The following DPP6 variants were observed in gnomAD, a reference collection of about 807,000 sequenced individuals.
DPP6 encodes A-type potassium channel modulatory protein DPP6.
In DPP6, 69 loss-of-function variants were observed where a neutral mutation model predicts 122.6. The ratio of observed to expected loss-of-function variants is 0.56; its 90% CI spans 0.46 to 0.69. DPP6 has a LOEUF of 0.69. DPP6 is among the 30% of genes least tolerant of loss of function. The pLI is 0.00. For missense variants in DPP6, 928 were observed against 1,116.9 expected, an observed-to-expected ratio of 0.83 and a Z score of 2.41; for synonymous variants, 418 against 433.1, an observed-to-expected ratio of 0.97 and a Z score of 0.43.
intron 1 of DPP6, among the ~76,000 whole-genome samples, chr7:153,958,023 G>A (rs1279037295): frequency 4.6e-5 from 7 of 152,080 alleles, no homozygotes; most frequent in Admixed American, 6.5e-5. Context: ...ACTTAGCTGG[G>A]TGTGGTGGTG....
chr7:153,857,722 C>A, the DPP6 span, among the ~76,000 whole-genome samples: 3 of 152,118 alleles, frequency 2.0e-5, no homozygotes, highest in African/African-American at 7.2e-5. Context: ...AAACACATAT[C>A]TACAGTGCTT....
chr7:154,862,083 T>A (rs1247115963), intron 17 of DPP6, among the ~76,000 whole-genome samples: 1 of 152,218 alleles, frequency 6.6e-6, no homozygotes, highest in African/African-American at 2.4e-5. Flanking sequence ...TACTGGGGGC[T>A]CTTACCCATT....
At chr7:154,098,059 G>C (rs1354572023) in intron 1 of DPP6, among the ~76,000 whole-genome samples, 1 of 152,198 alleles carries the variant, frequency 6.6e-6, no homozygotes, top group Non-Finnish European at 1.5e-5. Context: ...TGGTTCTGCT[G>C]TGTCCCCACC....
In DPP6 at chr7:154,201,017, C is replaced by T. The variant is rs542741702; in HGVS notation, c.243+147954C>T. Among the ~76,000 whole-genome samples, 266 of 152,226 alleles carry T rather than the reference C, an allele frequency of 1.7e-3. 1 individual carries two copies. Among genetic ancestry groups the T allele is most frequent in the African/African-American group, 5.8e-3 (241 of 41,530 alleles). ...AGATTAATGCAGGAAGCAGAGGGCA[C>T]GGTGGAACTTGTCTCGCTGAATATT... On this transcript the variant is annotated intron_variant, in intron 1 of 25. Coordinates refer to ENST00000377770, the MANE Select transcript of DPP6 (RefSeq NM_130797.4).
chr7:154,733,569 G>C (rs1842439346), intron 8 of DPP6, among the ~76,000 whole-genome samples: 1 of 152,214 alleles, frequency 6.6e-6, no homozygotes. Flanking sequence ...GCCCCAGGCA[G>C]ATAAATTTGA....
intron 1 of DPP6, among the ~76,000 whole-genome samples, chr7:153,977,664 C>T (rs1314003886): frequency 2.6e-5 from 4 of 151,868 alleles, no homozygotes; most frequent in Non-Finnish European, 4.4e-5. Flanking sequence ...CCCATCAACC[C>T]GTCATCTACA....
At position 154,607,071 on chromosome 7, in the gene DPP6, C is replaced by T. The variant is rs1487259188; in HGVS notation, c.628-30750C>T. On this transcript the variant is annotated intron_variant, in intron 5 of 25. Transcript: ENST00000377770. ...GCAAGTAGCTGCATGAAATGCCACG[C>T]GATGCCAATCATCTCCACATGAGCA... Among the ~76,000 whole-genome samples, 4 of 120,916 alleles carry T rather than the reference C, an allele frequency of 3.3e-5. 1 individual carries two copies. The highest frequency in any genetic ancestry group is 7.4e-5 in the Non-Finnish European group (4 of 53,754). 79.3% of individuals were successfully genotyped at this position (120,916 alleles called of 152,430 possible).
chr7:154,496,165 CT>C (rs371428689), intron 3 of DPP6, among the ~76,000 whole-genome samples: 7 of 151,484 alleles, frequency 4.6e-5, no homozygotes, highest in South Asian at 2.1e-4. Context: ...TTTCTAAGAT[CT>C]TTTTTTTTCC....
rs759897523 is a variant in DPP6, at chr7:154,853,836, T to C, written c.1714+9T>C. On this transcript the variant is annotated intron_variant, in intron 17 of 25. Coordinates refer to ENST00000377770, the MANE Select transcript of DPP6 (RefSeq NM_130797.4). ...CACAACAGATAAGAAAAGTAAGTGC[T>C]CTTTTTTTTCCTTAAATCTTCCTGA... 6.2e-7 allele frequency: 1 copy of C among 1,613,672 alleles called. No homozygotes were observed. Among genetic ancestry groups the C allele is most frequent in the Admixed American group, 1.7e-5 (1 of 60,036 alleles).
intron 2 of DPP6, among the ~76,000 whole-genome samples, chr7:154,468,751 G>C (rs1276511009): frequency 2.0e-5 from 3 of 152,162 alleles, no homozygotes; most frequent in Non-Finnish European, 4.4e-5. Flanking sequence ...TAATGCTGAT[G>C]ACTTAGTTTC....
chr7:154,199,385 G>A (rs976521618), intron 1 of DPP6, among the ~76,000 whole-genome samples: 1 of 152,082 alleles, frequency 6.6e-6, no homozygotes, highest in African/African-American at 2.4e-5. Flanking sequence ...GCCTCACCTG[G>A]TTTCCACTAT....
At chr7:153,808,689 A>C in the DPP6 span, among the ~76,000 whole-genome samples, 1 of 151,942 alleles carries the variant, frequency 6.6e-6, no homozygotes, top group African/African-American at 2.4e-5. Flanking sequence ...GGGTTATTTC[A>C]CTTGGTATAA....
chr7:154,374,646 T>A (rs1314438860), intron 1 of DPP6, among the ~76,000 whole-genome samples: 3 of 136,030 alleles, frequency 2.2e-5, no homozygotes, highest in Non-Finnish European at 4.9e-5. Flanking sequence ...AGTTTTCCTC[T>A]TGTTGCCCAG....
rs1016467060 is a variant in DPP6, at chr7:154,061,908, C to G, written c.243+8845C>G. Among the ~76,000 whole-genome samples, 74 of 135,284 alleles carry G rather than the reference C, an allele frequency of 5.5e-4. 10 individuals carry two copies. Among genetic ancestry groups the G allele is most frequent in the East Asian group, 8.5e-4 (4 of 4,720 alleles). The allele number at this position is 135,284 out of a possible 152,430, so 88.8% of individuals were successfully genotyped here. Reference sequence around the variant, plus strand: ...GGACTGAGAGGCAATCCCTCTTCCCCCCCTGGCTCTGAGGACCCCCATCGC... The same window carrying G: ...GGACTGAGAGGCAATCCCTCTTCCCGCCCTGGCTCTGAGGACCCCCATCGC... On this transcript the variant is annotated intron_variant, in intron 1 of 25. Coordinates refer to ENST00000377770, the MANE Select transcript of DPP6 (RefSeq NM_130797.4).
intron 2 of DPP6, among the ~76,000 whole-genome samples, chr7:154,455,061 G>C (rs1240599749): frequency 6.6e-6 from 1 of 152,122 alleles, no homozygotes; most frequent in East Asian, 1.9e-4. Context: ...GTCCAGGTGG[G>C]CTCCATCTCT....
intron 1 of DPP6, among the ~76,000 whole-genome samples, chr7:154,341,836 G>A (rs1356701418): frequency 1.3e-5 from 2 of 151,978 alleles, no homozygotes; most frequent in African/African-American, 2.4e-5. Flanking sequence ...GACGCAAGAA[G>A]AATGGTTGAA....
intron 1 of DPP6, among the ~76,000 whole-genome samples, chr7:154,171,034 G>C (rs1797510894): frequency 6.6e-6 from 1 of 152,176 alleles, no homozygotes; most frequent in Admixed American, 6.5e-5. Context: ...TGCATGCTTA[G>C]AAAACCCAGT....
chr7:154,527,170 A>G (rs1429981827), intron 3 of DPP6, among the ~76,000 whole-genome samples: 3 of 152,216 alleles, frequency 2.0e-5, no homozygotes, highest in Non-Finnish European at 4.4e-5. Flanking sequence ...TTTAAGTTCA[A>G]GAACTTATGC....
chr7:154,214,997 G>A (rs1232269367), intron 1 of DPP6, among the ~76,000 whole-genome samples: 2 of 152,108 alleles, frequency 1.3e-5, no homozygotes, highest in Non-Finnish European at 2.9e-5. Context: ...CCTAATAAAT[G>A]TTAGCCCCCC....
Sources: allele counts gnomAD v4.1 joint callset (sites outside exome capture counted in the v4.1 genomes callset), GRCh38; gene constraint gnomAD v4.1.1; transcripts MANE v1.5; gene names NCBI Gene and HGNC (gene_info 2026-07-23, HGNC 2026-07-21).